The following PCDH15 variants were observed in gnomAD, a reference collection of about 807,000 sequenced individuals.
PCDH15 encodes protocadherin-15.
PCDH15 carries 129 observed loss-of-function variants against 178.5 expected under a neutral mutation model. The ratio of observed to expected loss-of-function variants is 0.72; its 90% CI spans 0.63 to 0.84. PCDH15 has a LOEUF of 0.84. Ranked by LOEUF, PCDH15 falls within the 40% of genes least tolerant of loss-of-function variation. The probability of loss-of-function intolerance (pLI) is 0.00; values close to 1 mark genes in which losing one functional copy is unlikely to be tolerated. For synonymous variants in PCDH15, 800 were observed against 732.0 expected, an observed-to-expected ratio of 1.09 and a Z score of -1.50; for missense variants, 2,230 against 2,099.9, an observed-to-expected ratio of 1.06 and a Z score of -1.21.
At chr10:54,720,633 C>T (rs1353390560) in intron 1 of PCDH15, among the ~76,000 whole-genome samples, 1 of 152,046 alleles carries the variant, frequency 6.6e-6, no homozygotes, top group Non-Finnish European at 1.5e-5. Flanking sequence ...GATCACCTTA[C>T]AAGAAACTTT....
chr10:54,552,065 G>A (rs568450925), intron 2 of PCDH15, among the ~76,000 whole-genome samples: 19 of 152,020 alleles, frequency 1.2e-4, no homozygotes, highest in African/African-American at 4.6e-4. Flanking sequence ...TCATATAACT[G>A]TAATAATTTC....
At chr10:54,406,815 A>G (rs1952735390) in intron 3 of PCDH15, among the ~76,000 whole-genome samples, 1 of 152,176 alleles carries the variant, frequency 6.6e-6, no homozygotes, top group Non-Finnish European at 1.5e-5. Flanking sequence ...ATTTAGAAGA[A>G]AACAGGGGAT....
intron 2 of PCDH15, among the ~76,000 whole-genome samples, chr10:55,561,979 T>C (rs1842209534): frequency 6.6e-6 from 1 of 151,998 alleles, no homozygotes; most frequent in African/African-American, 2.4e-5. Flanking sequence ...CTTTTATTAA[T>C]AGTCATTAAC....
At chr10:55,508,057 C>A (rs530611042) in intron 2 of PCDH15, among the ~76,000 whole-genome samples, 1 of 151,418 alleles carries the variant, frequency 6.6e-6, no homozygotes, top group Non-Finnish European at 1.5e-5. Context: ...AAAAACATCC[C>A]GGACACTTAT....
intron 2 of PCDH15, among the ~76,000 whole-genome samples, chr10:55,351,196 C>T (rs1044209083): frequency 2.0e-5 from 3 of 151,362 alleles, no homozygotes; most frequent in Non-Finnish European, 4.4e-5. Flanking sequence ...TGCATTCTTC[C>T]AAACTACTTT....
chr10:55,161,457 C>A (rs1255613740), intron 2 of PCDH15, among the ~76,000 whole-genome samples: 9 of 152,024 alleles, frequency 5.9e-5, no homozygotes, highest in Admixed American at 5.9e-4. Flanking sequence ...TGGAACCCAG[C>A]CACATATTTG....
intron 28 of PCDH15, among the ~76,000 whole-genome samples, chr10:53,853,146 C>T (rs1035686592): frequency 6.7e-6 from 1 of 149,496 alleles, no homozygotes; most frequent in Non-Finnish European, 1.5e-5. Context: ...AAAAAATCTA[C>T]AAAATGAAAT....
chr10:54,905,309 A>C (rs1447890014), intron 2 of PCDH15, among the ~76,000 whole-genome samples: 15 of 152,128 alleles, frequency 9.9e-5, no homozygotes. Flanking sequence ...TCTTTTAATC[A>C]TTATTTTATC....
At chr10:55,440,906 C>T (rs1240090394) in intron 2 of PCDH15, among the ~76,000 whole-genome samples, 1 of 152,080 alleles carries the variant, frequency 6.6e-6, no homozygotes, top group African/African-American at 2.4e-5. Context: ...AAGGGGTTTC[C>T]CCATATAAAA....
intron 20 of PCDH15, among the ~76,000 whole-genome samples, chr10:54,003,515 C>G (rs1354078018): frequency 6.6e-6 from 1 of 151,526 alleles, no homozygotes; most frequent in African/African-American, 2.4e-5. Flanking sequence ...CAAGAAGAAA[C>G]AAATAAATTC....
chr10:55,411,846 G>A lies in PCDH15; in HGVS notation c.-156+215779C>T, dbSNP rs563570344. ...CCTTCACAGATAATCCTGCAGTTAG[G>A]TAAACTATAGAGGCTGCAAAATTAA... On this transcript the variant is annotated intron_variant, in intron 2 of 5. Coordinates refer to the PCDH15 transcript ENST00000613346. 2.6e-5 allele frequency among the ~76,000 whole-genome samples: 4 copies of A among 151,990 alleles called. No individual in the cohort carries two copies. The East Asian group carries it at 7.8e-4, about 29-fold the overall frequency.
intron 1 of PCDH15, among the ~76,000 whole-genome samples, chr10:55,307,791 T>A (rs1184216626): frequency 6.6e-6 from 1 of 151,888 alleles, no homozygotes; most frequent in Non-Finnish European, 1.5e-5. Context: ...AAAACATACT[T>A]CCTAATAATA....
intron 8 of PCDH15, among the ~76,000 whole-genome samples, chr10:54,253,765 T>C (rs969686203): frequency 6.6e-6 from 1 of 152,068 alleles, no homozygotes; most frequent in Non-Finnish European, 1.5e-5. Flanking sequence ...AATTAAATCA[T>C]ATAAATAACT....
At chr10:54,324,631 G>C (rs978039748) in intron 7 of PCDH15, among the ~76,000 whole-genome samples, 1 of 152,000 alleles carries the variant, frequency 6.6e-6, no homozygotes, top group Admixed American at 6.6e-5. Flanking sequence ...GCTGGGAGTG[G>C]TGGCACATGC....
intron 2 of PCDH15, among the ~76,000 whole-genome samples, chr10:54,941,233 T>A (rs948417503): frequency 7.2e-5 from 11 of 152,100 alleles, no homozygotes; most frequent in Non-Finnish European, 1.3e-4. Flanking sequence ...CTACTTCACC[T>A]CCATAGTCAA....
intron 3 of PCDH15, among the ~76,000 whole-genome samples, chr10:54,520,725 A>C (rs2082761508): frequency 6.6e-6 from 1 of 151,416 alleles, no homozygotes; most frequent in Non-Finnish European, 1.5e-5. Context: ...TATATACCCA[A>C]AGGACTATAA....
intron 2 of PCDH15, among the ~76,000 whole-genome samples, chr10:55,553,620 G>T (rs1420408286): frequency 6.6e-6 from 1 of 151,736 alleles, no homozygotes; most frequent in Non-Finnish European, 1.5e-5. Flanking sequence ...CTGAATTTTT[G>T]TCCTCTTGTT....
chr10:54,938,102 T>A (rs1036998552), intron 2 of PCDH15, among the ~76,000 whole-genome samples: 1 of 152,124 alleles, frequency 6.6e-6, no homozygotes, highest in African/African-American at 2.4e-5. Flanking sequence ...AAGATGGTCA[T>A]GTGCTTTGTG....
At chr10:54,565,642 T>G (rs2088912235) in intron 2 of PCDH15, among the ~76,000 whole-genome samples, 1 of 152,210 alleles carries the variant, frequency 6.6e-6, no homozygotes, top group African/African-American at 2.4e-5. Context: ...GAAAATATTT[T>G]ATTCCTTGTT....
Sources: gnomAD v4.1 joint callset for allele counts (sites outside exome capture counted in the v4.1 genomes callset) on GRCh38, gnomAD v4.1.1 for gene constraint, MANE v1.5 for transcripts, NCBI Gene and HGNC (gene_info 2026-07-23, HGNC 2026-07-21) for gene names.